UVRAG: variants seen among roughly 807,000 people sequenced by gnomAD.
The protein encoded by UVRAG is UV radiation resistance-associated gene protein.
In UVRAG, 19 loss-of-function variants were observed where a neutral mutation model predicts 78.0. The observed-to-expected ratio is 0.24, with a 90% confidence interval of 0.17 to 0.36. The LOEUF (loss-of-function observed/expected upper bound fraction) is 0.36, where lower values mean the gene tolerates loss of function less well. Among genes scored for constraint, UVRAG ranks in the 10% least tolerant of loss-of-function variants. The pLI is 1.00. For missense variants in UVRAG, 740 were observed against 853.8 expected, an observed-to-expected ratio of 0.87 and a Z score of 1.66; for synonymous variants, 323 against 324.6, an observed-to-expected ratio of 1.00 and a Z score of 0.05.
intron 7 of UVRAG, among the ~76,000 whole-genome samples, chr11:75,974,516 G>A (rs1188147028): frequency 3.3e-5 from 5 of 151,256 alleles, no homozygotes; most frequent in African/African-American, 4.9e-5. Flanking sequence ...ACAGGCACCC[G>A]CCACCGCGCC....
chr11:75,861,626 C>T, intron 2 of UVRAG, 120 bp from the exon 3 acceptor site: 1 of 638,534 alleles, frequency 1.6e-6, no homozygotes, highest in Non-Finnish European at 2.7e-6. Context: ...AGAATAAATC[C>T]CTTGAAAATA....
At chr11:76,054,629 C>T (rs1442484358) in intron 12 of UVRAG, among the ~76,000 whole-genome samples, 1 of 152,214 alleles carries the variant, frequency 6.6e-6, no homozygotes, top group African/African-American at 2.4e-5. Context: ...GTCTCAAGGC[C>T]TTTGCACTTT....
At chr11:76,098,139 C>T (rs1951819742) in intron 13 of UVRAG, among the ~76,000 whole-genome samples, 1 of 151,700 alleles carries the variant, frequency 6.6e-6, no homozygotes, top group Admixed American at 6.6e-5. Flanking sequence ...AACATATAGT[C>T]TTAACTGAAA....
intron 6 of UVRAG, among the ~76,000 whole-genome samples, chr11:75,937,314 A>G (rs2371719): frequency 0.056 from 8,596 of 152,248 alleles, 296 homozygotes; most frequent in African/African-American, 0.099. Flanking sequence ...CTCCAGCCTC[A>G]GCGACAGAGT....
intron 13 of UVRAG, among the ~76,000 whole-genome samples, chr11:76,092,114 T>C (rs1045750058): frequency 2.0e-5 from 3 of 152,164 alleles, no homozygotes; most frequent in African/African-American, 7.2e-5. Context: ...TGAGATAGTT[T>C]GCTGAGAATG....
At chr11:76,053,787 T>C (rs1011311827) in intron 12 of UVRAG, among the ~76,000 whole-genome samples, 3 of 152,070 alleles carry the variant, frequency 2.0e-5, no homozygotes, top group Admixed American at 1.3e-4. Flanking sequence ...CTGGCCAACA[T>C]GGTGAAACCC....
At chr11:75,843,878 G>T (rs1945971746) in intron 1 of UVRAG, among the ~76,000 whole-genome samples, 1 of 151,410 alleles carries the variant, frequency 6.6e-6, no homozygotes, top group Admixed American at 6.6e-5. Context: ...AGAATCTCTT[G>T]AGCCCAGGAG....
intron 7 of UVRAG, among the ~76,000 whole-genome samples, chr11:75,980,982 T>C (rs1048256650): frequency 6.6e-6 from 1 of 152,138 alleles, no homozygotes; most frequent in Non-Finnish European, 1.5e-5. Flanking sequence ...TAGAGTTTTA[T>C]CAATTTTATT....
chr11:75,989,160 C>G (rs1253889676), intron 8 of UVRAG, among the ~76,000 whole-genome samples: 1 of 151,890 alleles, frequency 6.6e-6, no homozygotes, highest in Non-Finnish European at 1.5e-5. Flanking sequence ...GTTCAAGAGA[C>G]TCTCCTGCCT....
chr11:76,034,415 T>C (rs1283291820), intron 12 of UVRAG, among the ~76,000 whole-genome samples: 1 of 152,144 alleles, frequency 6.6e-6, no homozygotes, highest in Non-Finnish European at 1.5e-5. Flanking sequence ...CCCGGGCTGG[T>C]CCTGAACTCC....
chr11:76,036,153 C>CA (rs1950530060), intron 12 of UVRAG, among the ~76,000 whole-genome samples: 1 of 152,038 alleles, frequency 6.6e-6, no homozygotes, highest in Non-Finnish European at 1.5e-5. Context: ...CTCACTCCTG[C>CA]AAAAATATAC....
rs570124174 is a variant in UVRAG, at chr11:75,886,850, G to T, written c.433-1979G>T. Among the ~76,000 whole-genome samples, 5 of 142,412 alleles carry T rather than the reference G, an allele frequency of 3.5e-5. No individual in the cohort carries two copies. The East Asian group carries it at 7.8e-4, about 22-fold the overall frequency. 93.4% of individuals were successfully genotyped at this position (142,412 alleles called of 152,430 possible). ...TTCACTTAAAACCTTCACGGCAGAA[G>T]AATTTTTTTTTTTTTTGCCACAACT... is the stretch of plus-strand genomic sequence containing the variant. On this transcript the variant is annotated intron_variant, in intron 4 of 14. Coordinates refer to ENST00000356136, the MANE Select transcript of UVRAG (RefSeq NM_003369.4).
intron 12 of UVRAG, among the ~76,000 whole-genome samples, chr11:76,058,070 C>T (rs1404427307): frequency 6.6e-6 from 1 of 151,994 alleles, no homozygotes; most frequent in Non-Finnish European, 1.5e-5. Flanking sequence ...AGTAGGTCAT[C>T]CCACCAGTTA....
At chr11:75,927,386 G>A (rs528929245) in intron 6 of UVRAG, among the ~76,000 whole-genome samples, 12 of 152,194 alleles carry the variant, frequency 7.9e-5, no homozygotes, top group African/African-American at 2.9e-4. Context: ...TAATTTGGAA[G>A]TGAAAAAGTA....
intron 13 of UVRAG, among the ~76,000 whole-genome samples, chr11:76,092,044 C>A (rs529350074): frequency 3.1e-4 from 46 of 150,682 alleles, no homozygotes; most frequent in African/African-American, 1.0e-3. Flanking sequence ...TACAAGTGTT[C>A]TCATTGTTCA....
intron 3 of UVRAG, among the ~76,000 whole-genome samples, chr11:75,862,357 C>T (rs1946440417): frequency 6.6e-6 from 1 of 152,168 alleles, no homozygotes; most frequent in Non-Finnish European, 1.5e-5. Flanking sequence ...AAATATCCTA[C>T]TTTTGATAAT....
chr11:76,103,537 GTTT>G (rs11312309), intron 13 of UVRAG, among the ~76,000 whole-genome samples: 2 of 132,212 alleles, frequency 1.5e-5, no homozygotes, highest in Admixed American at 7.7e-5. Context: ...TGCTGTTTTG[GTTT>G]TTTTTTTTTT....
At chr11:76,030,859 A>T (rs1468397348) in intron 12 of UVRAG, among the ~76,000 whole-genome samples, 1 of 152,168 alleles carries the variant, frequency 6.6e-6, no homozygotes, top group Non-Finnish European at 1.5e-5. Flanking sequence ...GTATCACAGA[A>T]ATGAAGTTCT....
chr11:75,942,152 T>C (rs565910184), intron 6 of UVRAG: 4 of 152,760 alleles, frequency 2.6e-5, no homozygotes, highest in East Asian at 3.9e-4. Flanking sequence ...CCCCTATTTA[T>C]TCCTGGTAAA....
Sources: gnomAD v4.1 joint callset for allele counts (sites outside exome capture counted in the v4.1 genomes callset) on GRCh38, gnomAD v4.1.1 for gene constraint, MANE v1.5 for transcripts, NCBI Gene and HGNC (gene_info 2026-07-23, HGNC 2026-07-21) for gene names.